Variants in DQX1 observed in about 807,000 individuals in gnomAD.
DQX1 encodes DEAQ-box RNA dependent ATPase 1.
DQX1 carries 66 observed loss-of-function variants against 81.3 expected under a neutral mutation model. The ratio of observed to expected loss-of-function variants is 0.81; its 90% CI spans 0.67 to 1.00. DQX1 has a LOEUF of 1.00. Ranked by LOEUF, DQX1 falls within the 50% of genes least tolerant of loss-of-function variation. DQX1 has a pLI of 0.00. For missense variants in DQX1, 798 were observed against 867.9 expected (o/e 0.92, Z 1.01); for synonymous variants, 290 against 350.0 (o/e 0.83, Z 1.91).
intron 8 of DQX1, 34 bp downstream of exon 8, chr2:74,522,546 T>C (rs750331209): frequency 6.3e-7 from 1 of 1,590,006 alleles, no homozygotes; most frequent in South Asian, 1.1e-5. Context: ...TGAAGTGGTT[T>C]CAAGAGCTAT....
At chr2:74,524,954 T>A in intron 3 of DQX1, 55 bp downstream of exon 3, 1 of 1,553,694 alleles carries the variant, frequency 6.4e-7, no homozygotes, top group Non-Finnish European at 8.7e-7. Flanking sequence ...GGAATGGGTT[T>A]GTTTCTACTG....
intron 9 of DQX1, 64 bp downstream of exon 9, chr2:74,519,851 C>T: frequency 6.2e-7 from 1 of 1,601,950 alleles, no homozygotes; most frequent in East Asian, 2.2e-5. Context: ...GATCTGTCAG[C>T]TGGCTGCATA....
Position 74,518,321 on chromosome 2 carries a change from G to C in DQX1, c.*125C>G, listed in dbSNP as rs1184325449. 1.7e-6 allele frequency: 2 copies of C among 1,167,584 alleles called. No individual in the cohort carries two copies. Among genetic ancestry groups the C allele is most frequent in the East Asian group, 4.8e-5 (2 of 41,446 alleles). The allele number at this position is 1,167,584 out of a possible 1,614,324, so 72.3% of individuals were successfully genotyped here. On this transcript the variant is annotated 3_prime_UTR_variant, in exon 12 of 12. Coordinates refer to ENST00000404568, the MANE Select transcript of DQX1 (RefSeq NM_133637.3). The stretch of plus-strand genomic sequence containing the variant: ...CCAGTCTACCATTTCTTGGGACTCA[G>C]GTTCCAGGGTTTACATTTGACCCTA...
Position 74,518,333 on chromosome 2 carries a change from T to G in DQX1, c.*113A>C. The G allele has an allele frequency of 7.5e-7, 1 of 1,328,250 alleles. No individual in the cohort carries two copies. Among genetic ancestry groups the G allele is most frequent in the South Asian group, 1.4e-5 (1 of 69,762 alleles). 82.3% of individuals were successfully genotyped at this position (1,328,250 alleles called of 1,614,324 possible). ...TTCTTGGGACTCAGGTTCCAGGGTT[T>G]ACATTTGACCCTAAACTTTGGGCTT... On this transcript the variant is annotated 3_prime_UTR_variant, in exon 12 of 12. Transcript: ENST00000404568.
In DQX1 at chr2:74,523,935, C is replaced by G; in HGVS notation, c.804G>C (p.Leu268=). The G allele has an allele frequency of 6.3e-7, 1 of 1,595,062 alleles. No homozygotes were observed. The highest frequency in any genetic ancestry group is 8.6e-7 in the Non-Finnish European group (1 of 1,167,184). ...KELPGDVLVF[L]PSEEEISLCC... is the part of the protein sequence containing the mutation. ...TTTTGTTTTTTACCTCCTCACTGGG[C>G]AGGAACACTAGCACATCTCCTGGAA... The change falls in exon 4 of 12, where the codon CTG becomes CTC. Residue 268 remains leucine (L), a synonymous_variant. Coordinates refer to ENST00000404568, the MANE Select transcript of DQX1 (RefSeq NM_133637.3).
chr2:74,521,704 GCT>G (rs1263206038), intron 8 of DQX1, among the ~76,000 whole-genome samples: 1 of 148,246 alleles, frequency 6.7e-6, no homozygotes, highest in Admixed American at 6.8e-5. Context: ...GTTGGAGTAT[GCT>G]CTCTCTCTCT....
At chr2:74,521,638 A>G (rs1291760262) in intron 8 of DQX1, among the ~76,000 whole-genome samples, 1 of 149,946 alleles carries the variant, frequency 6.7e-6, no homozygotes, top group East Asian at 1.9e-4. Context: ...TGACAGAGTG[A>G]GACTTTGTCT....
At chr2:74,519,320 G>T (rs1011632376) in intron 10 of DQX1, 90 bp from the exon 11 acceptor site, 8 of 1,412,178 alleles carry the variant, frequency 5.7e-6, no homozygotes, top group African/African-American at 4.4e-5. Flanking sequence ...AAAGAGTAAG[G>T]GTGATGAGAG....
Position 74,519,183 on chromosome 2 carries a change from A to G in DQX1, c.1854T>C (p.His618=). 6.2e-7 allele frequency: 1 copy of G among 1,610,302 alleles called. No homozygotes were observed. The highest frequency in any genetic ancestry group is 1.1e-5 in the South Asian group (1 of 90,600). Residue 618 remains histidine (H), a synonymous_variant, in exon 11 of 12, where the codon CAT becomes CAC. Coordinates refer to ENST00000404568, the MANE Select transcript of DQX1 (RefSeq NM_133637.3). ...DGTGNYLLLT[H]KHVAQLSSYC... ...ATGAGGAGAGCTGGGCCACATGCTT[A>G]TGGGTTAGGAGAAGGTAATTTCCAG... is the stretch of plus-strand genomic sequence containing the variant.
In DQX1 at chr2:74,525,116, G is replaced by A; in HGVS notation, c.324C>T (p.Ala108=). The A allele has an allele frequency of 1.2e-6, 2 of 1,614,006 alleles. No individual in the cohort carries two copies. Among genetic ancestry groups the A allele is most frequent in the Non-Finnish European group, 1.7e-6 (2 of 1,179,956 alleles). Residue 108 remains alanine (A), a synonymous_variant, in exon 3 of 12, where the codon GCC becomes GCT. Coordinates refer to ENST00000404568, the MANE Select transcript of DQX1 (RefSeq NM_133637.3). The surrounding 1 kb of genome is among the most constrained non-coding windows in gnomAD (Gnocchi z 4.1). ...VTVTQPYPLA[A]RSLALRVADE... Reference sequence around the variant, plus strand: ...CAGCAACCCGCAGAGCCAGGCTCCGGGCTGCAAGAGGGTAGGGCTGAGTAA... The same window carrying A: ...CAGCAACCCGCAGAGCCAGGCTCCGAGCTGCAAGAGGGTAGGGCTGAGTAA...
chr2:74,521,389 C>G (rs1035798710), intron 8 of DQX1, among the ~76,000 whole-genome samples: 20 of 152,114 alleles, frequency 1.3e-4, no homozygotes, highest in African/African-American at 4.8e-4. Flanking sequence ...GAGGCTCAGG[C>G]CTGTAATCCC....
chr2:74,519,179 G>C lies in DQX1; in HGVS notation c.1858C>G (p.His620Asp). Reference protein sequence around the residue: ...TGNYLLLTHKHVAQLSSYCCY... With the variant: ...TGNYLLLTHKDVAQLSSYCCY... ...CAGTATGAGGAGAGCTGGGCCACAT[G>C]CTTATGGGTTAGGAGAAGGTAATTT... The change falls in exon 11 of 12, where the codon CAT becomes GAT. Residue 620 changes from histidine to aspartate, a missense_variant. Physicochemically the swap from His to Asp is moderately conservative, Grantham distance 81. Transcript: ENST00000404568. The C allele has an allele frequency of 6.2e-7, 1 of 1,610,854 alleles. No individual in the cohort carries two copies. The highest frequency in any genetic ancestry group is 8.5e-7 in the Non-Finnish European group (1 of 1,178,344).
chr2:74,518,367 G>A lies in DQX1; in HGVS notation c.*79C>T. 6.5e-7 allele frequency: 1 copy of A among 1,536,558 alleles called. No individual in the cohort carries two copies. Among genetic ancestry groups the A allele is most frequent in the Non-Finnish European group, 8.9e-7 (1 of 1,129,940 alleles). ...CCCTAAACTTTGGGCTTCTAAATCT[G>A]TCTGGGTGCTTTGGTGTCACCCTGA... is the stretch of plus-strand genomic sequence containing the variant. On this transcript the variant is annotated 3_prime_UTR_variant, in exon 12 of 12. Coordinates refer to ENST00000404568, the MANE Select transcript of DQX1 (RefSeq NM_133637.3).
chr2:74,519,517 G>T (rs1457074264), intron 10 of DQX1, 39 bp downstream of exon 10: 1 of 1,596,796 alleles, frequency 6.3e-7, no homozygotes, highest in Non-Finnish European at 8.6e-7. Flanking sequence ...TTTGCCTTTT[G>T]CTCCTTTGAT....
At chr2:74,522,137 C>A (rs750164910) in intron 8 of DQX1, among the ~76,000 whole-genome samples, 3 of 152,176 alleles carry the variant, frequency 2.0e-5, no homozygotes, top group Non-Finnish European at 2.9e-5. Flanking sequence ...GGTCAGCAAT[C>A]TCAAGTGTCA....
At chr2:74,520,966 C>A (rs541202290) in intron 8 of DQX1, among the ~76,000 whole-genome samples, 18 of 152,248 alleles carry the variant, frequency 1.2e-4, no homozygotes, top group African/African-American at 4.1e-4. Flanking sequence ...AGCCACCACG[C>A]CTGGCTGAAG....
rs770485717 is a variant in DQX1, at chr2:74,524,195, G to A, written c.544C>T (p.Leu182Phe). The change falls in exon 4 of 12, where the codon CTC becomes TTC. Residue 182 changes from leucine to phenylalanine, a missense_variant. Transcript: ENST00000404568. Reference sequence around the variant, plus strand: ...CTGGCATCTTGCAGTAGCCCCTGGAGTGAATCTGATGCCACCGACCGCTCC... The same window carrying A: ...CTGGCATCTTGCAGTAGCCCCTGGAATGAATCTGATGCCACCGACCGCTCC... Reference protein sequence around the residue: ...AQERSVASDSLQGLLQDARLE... With the variant: ...AQERSVASDSFQGLLQDARLE... 2.5e-6 allele frequency: 4 copies of A among 1,614,040 alleles called. No homozygotes were observed. Among genetic ancestry groups the A allele is most frequent in the Admixed American group, 3.3e-5 (2 of 60,008 alleles).
In DQX1 at chr2:74,523,402, G is replaced by A. The variant is rs573451528; in HGVS notation, c.952C>T (p.Arg318Ter). The A allele has an allele frequency of 3.0e-5, 49 of 1,613,992 alleles. 1 individual carries two copies. Among genetic ancestry groups the A allele is most frequent in the Admixed American group, 3.0e-4 (18 of 59,996 alleles). Residue 318 changes from arginine (R) to a stop codon, truncating the protein, a stop_gained, in exon 5 of 12, where the codon CGA (arginine) becomes TGA (stop). Transcript: ENST00000404568. LOFTEE classifies it high-confidence loss of function. ...VQAVYEDMDA[R>*]KVVVTHWLAD... is the part of the protein sequence containing the mutation. ...AGCCAGTGAGTGACCACAACCTTTC[G>A]GGCATCCATGTCCTCATACACAGCC...
In DQX1 at chr2:74,522,745, CCAGGGCTTGCATCAGTGCTTCTGGAG is replaced by C; in HGVS notation, c.1304_1329del (p.Ala435GlyfsTer11). 4 of 1,614,176 alleles carry C rather than the reference CCAGGGCTTGCATCAGTGCTTCTGGAG, an allele frequency of 2.5e-6. No homozygotes were observed. Among genetic ancestry groups the C allele is most frequent in the Non-Finnish European group, 3.4e-6 (4 of 1,180,026 alleles). On this transcript the variant is annotated frameshift_variant and splice_region_variant, in exon 8 of 12. Coordinates refer to ENST00000404568, the MANE Select transcript of DQX1 (RefSeq NM_133637.3). LOFTEE classifies it high-confidence loss of function. Reference sequence around the variant, plus strand: ...AGGGCTGCCAGATAGTCTAAATCTTCCAGGGCTTGCATCAGTGCTTCTGGAGCTGGTGAGGAAACAGGGCTTACAGG... The same window carrying C: ...AGGGCTGCCAGATAGTCTAAATCTTCCTGGTGAGGAAACAGGGCTTACAGG...
Sources: allele counts gnomAD v4.1 joint callset (sites outside exome capture counted in the v4.1 genomes callset), GRCh38; gene constraint gnomAD v4.1.1; non-coding constraint Gnocchi (gnomAD v3.1); transcripts MANE v1.5; gene names NCBI Gene and HGNC (gene_info 2026-07-23, HGNC 2026-07-21).